The following LMBR1L variants were observed in gnomAD, a reference collection of about 807,000 sequenced individuals.
The protein encoded by LMBR1L is limb development membrane protein 1 like.
In LMBR1L, 47 loss-of-function variants were observed where a neutral mutation model predicts 67.3. The ratio of observed to expected loss-of-function variants is 0.70; its 90% CI spans 0.55 to 0.89. The LOEUF (loss-of-function observed/expected upper bound fraction) is 0.89, where lower values mean the gene tolerates loss of function less well. Among genes scored for constraint, LMBR1L ranks in the 40% least tolerant of loss-of-function variants. The probability of loss-of-function intolerance (pLI) is 0.00; values close to 1 mark genes in which losing one functional copy is unlikely to be tolerated. For synonymous variants in LMBR1L, 247 were observed against 250.3 expected, an observed-to-expected ratio of 0.99 and a Z score of 0.13; for missense variants, 533 against 599.2, an observed-to-expected ratio of 0.89 and a Z score of 1.15.
Position 49,097,959 on chromosome 12 carries a change from G to T in LMBR1L, c.1387C>A (p.Leu463Met). ...KTFTAAVRAE[L>M]IRAFGLDRLP... ...TCCCTCTCACCAAAGGCCCGGATCA[G>T]CTCTGCCCGCACAGCTGCAGTGAAG... The change falls in exon 16 of 17, where the codon CTG becomes ATG. Residue 463 changes from leucine to methionine, a missense_variant. Leu to Met is a conservative substitution (Grantham distance 15). Transcript: ENST00000267102. The T allele has an allele frequency of 6.2e-7, 1 of 1,613,284 alleles. No individual in the cohort carries two copies. The highest frequency in any genetic ancestry group is 1.3e-5 in the African/African-American group (1 of 75,052).
chr12:49,107,173 T>C (rs1199750764), intron 1 of LMBR1L, 128 bp from the exon 2 acceptor site: 2 of 667,546 alleles, frequency 3.0e-6, no homozygotes, highest in Non-Finnish European at 2.6e-6. Context: ...AAGGGTTCCA[T>C]CTGGAAGTAT....
At chr12:49,098,794 A>G (rs1456073098) in intron 15 of LMBR1L, among the ~76,000 whole-genome samples, 4 of 152,142 alleles carry the variant, frequency 2.6e-5, no homozygotes, top group Non-Finnish European at 5.9e-5. Flanking sequence ...TTAAGAATGA[A>G]ATAGAGCTGT....
At chr12:49,101,766 G>A in intron 11 of LMBR1L, 1 of 582,862 alleles carries the variant, frequency 1.7e-6, no homozygotes, top group Admixed American at 3.1e-5. Context: ...TTGCAAAAAG[G>A]CTGAATAGGA....
At chr12:49,104,049 TG>T (rs1474155615) in intron 5 of LMBR1L, 3 of 514,172 alleles carry the variant, frequency 5.8e-6, no homozygotes, top group African/African-American at 5.8e-5. Context: ...TGTCATTGTG[TG>T]CTCTGGGAGG....
intron 5 of LMBR1L, chr12:49,104,141 G>T (rs1316169183): frequency 4.2e-6 from 2 of 475,354 alleles, no homozygotes; most frequent in Non-Finnish European, 7.5e-6. Flanking sequence ...TAGAAAAAAG[G>T]TGAGGGTATG....
At position 49,105,938 on chromosome 12, in the gene LMBR1L, G is replaced by A. The variant is rs754123825; in HGVS notation, c.177C>T (p.Thr59=). Residue 59 remains threonine (T), a synonymous_variant, in exon 3 of 17, where the codon ACC becomes ACT. Coordinates refer to ENST00000267102, the MANE Select transcript of LMBR1L (RefSeq NM_018113.4). ...GGGACACTTACGCAATCTTGTTGACGGTGGCATCTTCATCATCCACTGTAA... is the reference window on the plus strand; with the variant it reads ...GGGACACTTACGCAATCTTGTTGACAGTGGCATCTTCATCATCCACTGTAA... ...EFTTVDDEDA[T]VNKIALELCT... is the part of the protein sequence containing the mutation. 10 of 1,612,818 alleles carry A rather than the reference G, an allele frequency of 6.2e-6. No individual in the cohort carries two copies. Among genetic ancestry groups the A allele is most frequent in the Middle Eastern group, 1.6e-4 (1 of 6,078 alleles).
intron 3 of LMBR1L, 107 bp downstream of exon 3, chr12:49,105,817 C>T: frequency 1.1e-6 from 1 of 892,924 alleles, no homozygotes. Context: ...AACAGAAACT[C>T]TCTCTTCACT....
At chr12:49,106,065 A>C in intron 2 of LMBR1L, 108 bp from the exon 3 acceptor site, 1 of 919,644 alleles carries the variant, frequency 1.1e-6, no homozygotes, top group Non-Finnish European at 1.7e-6. Context: ...CCCTCAAAGA[A>C]GGCAGAGCTG....
intron 2 of LMBR1L, 113 bp from the exon 3 acceptor site, chr12:49,106,070 G>A (rs1940868438): frequency 3.5e-6 from 3 of 855,982 alleles, no homozygotes; most frequent in Middle Eastern, 5.7e-4. Context: ...AAAGAAGGCA[G>A]AGCTGAACAG....
chr12:49,103,794 T>A lies in LMBR1L; in HGVS notation c.455A>T (p.Tyr152Phe), dbSNP rs747857595. ...GSRKGVLGRV[Y>F]ETVVMLMLLT... ...GAGCATCAACATCACCACTGTCTCA[T>A]AGACCCGGCCCAGGACACCCTACGG... The change falls in exon 6 of 17, where the codon TAT (tyrosine) becomes TTT (phenylalanine). Residue 152 changes from tyrosine (Y) to phenylalanine (F), a missense_variant. Around this residue, in one of 3 missense-constraint regions of LMBR1L, gnomAD observed 246 missense variants for 249.0 expected, o/e 0.99. Transcript: ENST00000267102. The A allele has an allele frequency of 3.1e-6, 5 of 1,613,638 alleles. No homozygotes were observed. Among genetic ancestry groups the A allele is most frequent in the Non-Finnish European group, 4.2e-6 (5 of 1,179,776 alleles).
intron 2 of LMBR1L, chr12:49,106,568 G>C: frequency 7.6e-7 from 1 of 1,315,226 alleles, no homozygotes; most frequent in East Asian, 5.4e-5. Flanking sequence ...CATCAGGGAG[G>C]TCTCTGGTCC....
chr12:49,110,128 T>C, intron 1 of LMBR1L: 2 of 504,936 alleles, frequency 4.0e-6, no homozygotes, highest in Non-Finnish European at 7.7e-6. Context: ...CAACCCAGTT[T>C]GAGAAGCAAA....
chr12:49,098,115 A>G lies in LMBR1L; in HGVS notation c.1241-10T>C. On this transcript the variant is annotated splice_polypyrimidine_tract_variant and intron_variant, in intron 15 of 16. Coordinates refer to ENST00000267102, the MANE Select transcript of LMBR1L (RefSeq NM_018113.4). ...TCAAAGCGAGTGAGCCCTGAAGCAC[A>G]AAGGCCAGGATGAGAGGTGGGCTCC... 4 of 1,610,042 alleles carry G rather than the reference A, an allele frequency of 2.5e-6. No individual in the cohort carries two copies. The highest frequency in any genetic ancestry group is 3.4e-6 in the Non-Finnish European group (4 of 1,176,934).
At position 49,097,536 on chromosome 12, in the gene LMBR1L, C is replaced by T; in HGVS notation, c.*136G>A. 1 of 817,888 alleles carries T rather than the reference C, an allele frequency of 1.2e-6. No homozygotes were observed. The highest frequency in any genetic ancestry group is 2.0e-6 in the Non-Finnish European group (1 of 488,770). The allele number at this position is 817,888 out of a possible 1,614,324, so 50.7% of individuals were successfully genotyped here. ...CTCTGGCTCAGATTATGCAATAGTG[C>T]AGATGGCTCTGCTCCCCTCTGCCAC... On this transcript the variant is annotated 3_prime_UTR_variant, in exon 17 of 17. Coordinates refer to ENST00000267102, the MANE Select transcript of LMBR1L (RefSeq NM_018113.4).
At chr12:49,098,978 C>CTTTTTTTTTTT (rs757291862) in intron 15 of LMBR1L, among the ~76,000 whole-genome samples, 1 of 138,276 alleles carries the variant, frequency 7.2e-6, no homozygotes. Context: ...ATTAAAAACA[C>CTTTTTTTTTTT]TTTTTTTTTT....
At chr12:49,101,594 C>A in intron 11 of LMBR1L, 45 bp from the exon 12 acceptor site, 1 of 1,434,522 alleles carries the variant, frequency 7.0e-7, no homozygotes, top group South Asian at 1.2e-5. Context: ...CAGACCACAG[C>A]TGGACCCAGA....
At chr12:49,103,607 A>G in intron 6 of LMBR1L, 80 bp downstream of exon 6, 7 of 1,505,338 alleles carry the variant, frequency 4.7e-6, no homozygotes, top group Non-Finnish European at 6.2e-6. Flanking sequence ...TTTCCACTTT[A>G]GAAGGTTACA....
At chr12:49,100,335 C>G in intron 15 of LMBR1L, 53 bp downstream of exon 15, 1 of 1,385,206 alleles carries the variant, frequency 7.2e-7, no homozygotes, top group Non-Finnish European at 1.0e-6. Context: ...TGCTTTGCAT[C>G]AGTAAGTACT....
intron 6 of LMBR1L, 121 bp from the exon 7 acceptor site, chr12:49,103,280 T>C: frequency 2.5e-6 from 2 of 801,736 alleles, no homozygotes; most frequent in Non-Finnish European, 4.1e-6. Flanking sequence ...TTAATACAAA[T>C]GAAGAAAGCT....
Sources: gnomAD v4.1 joint callset for allele counts (sites outside exome capture counted in the v4.1 genomes callset) on GRCh38, gnomAD v4.1.1 for gene constraint, gnomAD v4.1.1 regional missense constraint, MANE v1.5 for transcripts, NCBI Gene and HGNC (gene_info 2026-07-23, HGNC 2026-07-21) for gene names.